The following TPCN2 variants were observed in gnomAD, a reference collection of about 807,000 sequenced individuals.
TPCN2 encodes two pore channel protein 2.
In TPCN2, 92 loss-of-function variants were observed where a neutral mutation model predicts 111.4. That is an observed-to-expected ratio of 0.83 (90% CI 0.70 to 0.98). The LOEUF (loss-of-function observed/expected upper bound fraction) is 0.98, where lower values mean the gene tolerates loss of function less well. TPCN2 is among the 50% of genes least tolerant of loss of function. TPCN2 has a pLI of 0.00. For synonymous variants in TPCN2, 405 were observed against 414.5 expected, an observed-to-expected ratio of 0.98 and a Z score of 0.28; for missense variants, 995 against 980.1, an observed-to-expected ratio of 1.02 and a Z score of -0.20.
chr11:69,076,726 CTGTGT>C, intron 13 of TPCN2, among the ~76,000 whole-genome samples: 3 of 18,114 alleles, frequency 1.7e-4, no homozygotes, highest in Middle Eastern at 0.031. Flanking sequence ...TGCCCTCCTG[CTGTGT>C]CCCTCCACCT....
At chr11:69,086,394 G>A (rs1447935918) in intron 22 of TPCN2, 129 bp from the exon 23 acceptor site, 2 of 767,982 alleles carry the variant, frequency 2.6e-6, no homozygotes, top group Non-Finnish European at 2.3e-6. Flanking sequence ...AAATAGTAAC[G>A]CGCTCTGCAT....
At chr11:69,076,182 T>C (rs911363184) in intron 13 of TPCN2, among the ~76,000 whole-genome samples, 8 of 152,118 alleles carry the variant, frequency 5.3e-5, no homozygotes, top group Non-Finnish European at 1.2e-4. Flanking sequence ...GGTTCAGACC[T>C]CTTGAGAGCA....
intron 17 of TPCN2, among the ~76,000 whole-genome samples, chr11:69,080,152 C>T (rs781217361): frequency 2.6e-5 from 4 of 152,196 alleles, no homozygotes; most frequent in Non-Finnish European, 5.9e-5. Flanking sequence ...CCCTCCCGGG[C>T]GGCAGTGGGC....
chr11:69,053,968 G>T, intron 1 of TPCN2, 65 bp from the exon 2 acceptor site: 1 of 1,384,088 alleles, frequency 7.2e-7, no homozygotes, highest in Non-Finnish European at 1.0e-6. Flanking sequence ...CTTGATCACG[G>T]GTATCCTGGA....
At chr11:69,070,644 AC>A in intron 9 of TPCN2, 149 bp downstream of exon 9, 1 of 592,102 alleles carries the variant, frequency 1.7e-6, no homozygotes, top group Non-Finnish European at 2.9e-6. Context: ...ACAGCTTTTA[AC>A]CCCAGAGATC....
intron 19 of TPCN2, 80 bp downstream of exon 19, chr11:69,084,096 C>A: frequency 7.2e-7 from 1 of 1,393,850 alleles, no homozygotes; most frequent in Non-Finnish European, 1.0e-6. Flanking sequence ...AGTGCCGGGC[C>A]GGCTCACTGC....
At chr11:69,056,689 C>T (rs371176529) in intron 4 of TPCN2, among the ~76,000 whole-genome samples, 7 of 150,700 alleles carry the variant, frequency 4.6e-5, no homozygotes, top group South Asian at 2.1e-4. Flanking sequence ...CGTGCCACCA[C>T]GCCTGGCTAA....
At chr11:69,067,404 G>A (rs1011293741) in intron 7 of TPCN2, 99 bp from the exon 8 acceptor site, 1 of 1,069,986 alleles carries the variant, frequency 9.3e-7, no homozygotes, top group Non-Finnish European at 1.4e-6. Flanking sequence ...CAGGCTGGGC[G>A]GCGGGTGGAT....
At chr11:69,086,656 C>G (rs1436682239) in intron 23 of TPCN2, 52 bp downstream of exon 23, 1 of 1,528,680 alleles carries the variant, frequency 6.5e-7, no homozygotes, top group Admixed American at 1.7e-5. Context: ...GTTTCTAATT[C>G]ACTCTCGATG....
chr11:69,063,657 G>C (rs1333001803), intron 6 of TPCN2, among the ~76,000 whole-genome samples: 1 of 152,098 alleles, frequency 6.6e-6, no homozygotes, highest in Non-Finnish European at 1.5e-5. Flanking sequence ...GGCCCCCAGG[G>C]TTTCATTTGT....
chr11:69,059,418 G>A (rs1382974248), intron 5 of TPCN2, among the ~76,000 whole-genome samples: 1 of 152,184 alleles, frequency 6.6e-6, no homozygotes, highest in Non-Finnish European at 1.5e-5. Flanking sequence ...GGTGGGAAGT[G>A]GAAAGCTGGC....
chr11:69,069,867 G>A (rs1855442306), intron 8 of TPCN2, among the ~76,000 whole-genome samples: 1 of 151,638 alleles, frequency 6.6e-6, no homozygotes, highest in Admixed American at 6.6e-5. Context: ...GGAGGTTTCA[G>A]CTCTGTGTGC....
chr11:69,080,416 C>A (rs1041004756), intron 17 of TPCN2, among the ~76,000 whole-genome samples: 1 of 152,222 alleles, frequency 6.6e-6, no homozygotes, highest in Non-Finnish European at 1.5e-5. Flanking sequence ...CACCACTGCC[C>A]GGGGTTCTGG....
chr11:69,053,142 CT>C (rs1457762351), intron 1 of TPCN2, among the ~76,000 whole-genome samples: 5 of 152,246 alleles, frequency 3.3e-5, no homozygotes, highest in Non-Finnish European at 7.3e-5. Context: ...GTCCTGGCTT[CT>C]GTGCCGCCTG....
intron 8 of TPCN2, among the ~76,000 whole-genome samples, chr11:69,068,097 C>T (rs1472047656): frequency 6.6e-6 from 1 of 152,232 alleles, no homozygotes; most frequent in East Asian, 1.9e-4. Context: ...ACGACGCTCA[C>T]CCTGTGTGAT....
Position 69,049,050 on chromosome 11 carries a change from G to T in TPCN2, c.53G>T (p.Gly18Val). Residue 18 changes from glycine (G) to valine (V), a missense_variant, in exon 1 of 25, where the codon GGT (glycine) becomes GTT (valine). Physicochemically the swap from Gly to Val is moderately radical, Grantham distance 109. Transcript: ENST00000294309. ...CCCCTGCTGGGCGGGGCCCGCGGCG[G>T]TGGCGGCGACTGGCCGGCGGGGCTG... ...SEPLLGGARG[G>V]GGDWPAGLTT... 1 of 1,242,400 alleles carries T rather than the reference G, an allele frequency of 8.0e-7. No homozygotes were observed. The allele number at this position is 1,242,400 out of a possible 1,614,324, so 77.0% of individuals were successfully genotyped here.
At chr11:69,051,262 T>C (rs1397385571) in intron 1 of TPCN2, among the ~76,000 whole-genome samples, 1 of 152,238 alleles carries the variant, frequency 6.6e-6, no homozygotes, top group Non-Finnish European at 1.5e-5. Flanking sequence ...TTGTTTTCTC[T>C]TGTTGCTGGG....
chr11:69,050,814 G>A (rs565927587), intron 1 of TPCN2, among the ~76,000 whole-genome samples: 13 of 152,370 alleles, frequency 8.5e-5, no homozygotes, highest in South Asian at 6.2e-4. Flanking sequence ...GCCAGTGGCC[G>A]TCCTGGGTAA....
intron 1 of TPCN2, among the ~76,000 whole-genome samples, chr11:69,051,697 A>G (rs1861233717): frequency 6.6e-6 from 1 of 152,208 alleles, no homozygotes; most frequent in South Asian, 2.1e-4. Flanking sequence ...GGTGTGTGGA[A>G]AGGTGATTGT....
Sources: allele counts gnomAD v4.1 joint callset (sites outside exome capture counted in the v4.1 genomes callset), GRCh38; gene constraint gnomAD v4.1.1; transcripts MANE v1.5; gene names NCBI Gene and HGNC (gene_info 2026-07-23, HGNC 2026-07-21).